The following ADGB variants were observed in gnomAD, a reference collection of about 807,000 sequenced individuals.
The protein encoded by ADGB is calpain-7-like protein.
Under a neutral mutation model 210.5 loss-of-function variants are expected in ADGB, and 172 were observed. The ratio of observed to expected loss-of-function variants is 0.82; its 90% confidence interval spans 0.72 to 0.93. The LOEUF (loss-of-function observed/expected upper bound fraction) is 0.93, where lower values mean the gene tolerates loss of function less well. ADGB is among the 40% of genes least tolerant of loss of function. The pLI, the probability that ADGB is intolerant of heterozygous loss-of-function variation, is 0.00. For missense variants in ADGB, 2,025 were observed against 1,964.8 expected (o/e 1.03, Z -0.58); for synonymous variants, 658 against 662.7 (o/e 0.99, Z 0.11).
Position 146,691,215 on chromosome 6 carries a change from C to T in ADGB, c.1411C>T (p.Pro471Ser). The T allele has an allele frequency of 6.5e-7, 1 of 1,548,758 alleles. No homozygotes were observed. Among genetic ancestry groups the T allele is most frequent in the African/African-American group, 1.4e-5 (1 of 72,268 alleles). ...RSRSCPLVAP[P>S]KPPPLPPWKL... Reference sequence around the variant, plus strand: ...TAGGTCTTGTCCTCTGGTAGCACCACCAAAACCACCTCCTCTACCTCCCTG... The same window carrying T: ...TAGGTCTTGTCCTCTGGTAGCACCATCAAAACCACCTCCTCTACCTCCCTG... Residue 471 changes from proline (P) to serine (S), a missense_variant, in exon 11 of 36, where the codon CCA becomes TCA. Pro to Ser is a moderately conservative substitution (Grantham distance 74). Coordinates refer to ENST00000397944, the MANE Select transcript of ADGB (RefSeq NM_024694.4).
At chr6:146,680,381 T>C (rs555052738) in intron 9 of ADGB, among the ~76,000 whole-genome samples, 2 of 152,302 alleles carry the variant, frequency 1.3e-5, no homozygotes, top group South Asian at 4.1e-4. Flanking sequence ...TTTTGTACTT[T>C]ATATGAACAA....
intron 1 of ADGB, among the ~76,000 whole-genome samples, chr6:146,620,662 T>C (rs1583562162): frequency 6.6e-6 from 1 of 152,148 alleles, no homozygotes. Flanking sequence ...TCTATTTCTT[T>C]GTCGTATTTC....
chr6:146,656,698 C>G (rs1446209697), intron 4 of ADGB, 73 bp from the exon 5 acceptor site: 4 of 1,020,538 alleles, frequency 3.9e-6, no homozygotes, highest in Non-Finnish European at 5.5e-6. Context: ...GATTTTTTTA[C>G]TGTTTTTATC....
chr6:146,705,521 T>C (rs1776557245), intron 13 of ADGB, among the ~76,000 whole-genome samples: 1 of 152,178 alleles, frequency 6.6e-6, no homozygotes, highest in African/African-American at 2.4e-5. Context: ...TGTTTTTCCA[T>C]CTATTCACAT....
intron 5 of ADGB, among the ~76,000 whole-genome samples, chr6:146,657,360 G>A (rs2114886204): frequency 6.6e-6 from 1 of 151,838 alleles, no homozygotes; most frequent in South Asian, 2.1e-4. Context: ...GAGAAGGAAG[G>A]AAGGAAGAAA....
chr6:146,685,810 C>G lies in ADGB; in HGVS notation c.1293C>G (p.Ile431Met), dbSNP rs1583589459. 1 of 1,534,832 alleles carries G rather than the reference C, an allele frequency of 6.5e-7. No individual in the cohort carries two copies. Among genetic ancestry groups the G allele is most frequent in the Non-Finnish European group, 8.8e-7 (1 of 1,138,446 alleles). ...FTPLYLFENKIFSLEKMADSA... is the reference protein window; with the variant it reads ...FTPLYLFENKMFSLEKMADSA... ...CTCTTTATTTGTTTGAAAACAAGAT[C>G]TTTTCATTAGAGAAGATGGTAAGCA... Residue 431 changes from isoleucine to methionine, a missense_variant, in exon 10 of 36, where the codon ATC (isoleucine) becomes ATG (methionine). Ile to Met is a conservative substitution (Grantham distance 10, BLOSUM62 1). Coordinates refer to ENST00000397944, the MANE Select transcript of ADGB (RefSeq NM_024694.4).
intron 1 of ADGB, among the ~76,000 whole-genome samples, chr6:146,611,600 G>A (rs932390107): frequency 6.6e-6 from 1 of 152,120 alleles, no homozygotes; most frequent in African/African-American, 2.4e-5. Context: ...GGCCAGAAAC[G>A]AGTCCTGGTG....
chr6:146,617,454 G>T (rs1415362072), intron 1 of ADGB, among the ~76,000 whole-genome samples: 1 of 151,988 alleles, frequency 6.6e-6, no homozygotes, highest in Non-Finnish European at 1.5e-5. Flanking sequence ...AATTGGTTTG[G>T]CTAGGACTTC....
intron 23 of ADGB, among the ~76,000 whole-genome samples, chr6:146,738,288 A>G (rs1305941119): frequency 6.6e-6 from 1 of 152,122 alleles, no homozygotes; most frequent in Non-Finnish European, 1.5e-5. Context: ...TGTCATTACT[A>G]CTACATGTGG....
intron 26 of ADGB, among the ~76,000 whole-genome samples, chr6:146,746,407 G>A (rs1271361383): frequency 6.6e-6 from 1 of 151,978 alleles, no homozygotes; most frequent in Non-Finnish European, 1.5e-5. Flanking sequence ...CTCCATCTCT[G>A]GCTAGTATTT....
chr6:146,677,960 C>T (rs1047325720), intron 9 of ADGB, among the ~76,000 whole-genome samples: 1 of 152,156 alleles, frequency 6.6e-6, no homozygotes, highest in African/African-American at 2.4e-5. Flanking sequence ...TTTGTTAATT[C>T]TTACATGTGC....
At chr6:146,776,572 C>T (rs1328609969) in intron 29 of ADGB, among the ~76,000 whole-genome samples, 6 of 152,082 alleles carry the variant, frequency 3.9e-5, no homozygotes, top group Non-Finnish European at 8.8e-5. Context: ...GTGTGCCTGA[C>T]ATTTTAGTAG....
At chr6:146,617,782 G>C (rs951565509) in intron 1 of ADGB, among the ~76,000 whole-genome samples, 1 of 152,024 alleles carries the variant, frequency 6.6e-6, no homozygotes, top group Admixed American at 6.6e-5. Flanking sequence ...GCATCCCTGG[G>C]CTGAATCCCA....
chr6:146,754,009 T>C (rs1367270120), intron 27 of ADGB, among the ~76,000 whole-genome samples: 3 of 151,482 alleles, frequency 2.0e-5, no homozygotes, highest in Non-Finnish European at 3.0e-5. Context: ...ATTATATTTG[T>C]CCTCAAAACT....
At chr6:146,749,163 T>C (rs988742919) in intron 26 of ADGB, among the ~76,000 whole-genome samples, 1 of 152,180 alleles carries the variant, frequency 6.6e-6, no homozygotes, top group Non-Finnish European at 1.5e-5. Flanking sequence ...TGGAAAATGT[T>C]TGGATGATGT....
chr6:146,805,715 T>C (rs1395027898), intron 35 of ADGB, among the ~76,000 whole-genome samples: 1 of 152,168 alleles, frequency 6.6e-6, no homozygotes, highest in African/African-American at 2.4e-5. Context: ...GTGTAGAATG[T>C]GAAACTTTCC....
chr6:146,614,372 T>A (rs78402950), intron 1 of ADGB, among the ~76,000 whole-genome samples: 17 of 152,214 alleles, frequency 1.1e-4, no homozygotes, highest in African/African-American at 4.1e-4. Context: ...AATAAACAGA[T>A]CTATCATTTT....
intron 27 of ADGB, among the ~76,000 whole-genome samples, chr6:146,763,059 C>T (rs1465740925): frequency 6.6e-6 from 1 of 152,150 alleles, no homozygotes; most frequent in Admixed American, 6.6e-5. Context: ...GCCCCACTCA[C>T]CCATCTTTGT....
chr6:146,759,645 T>C (rs1284368953), intron 27 of ADGB, among the ~76,000 whole-genome samples: 2 of 151,744 alleles, frequency 1.3e-5, no homozygotes, highest in African/African-American at 4.8e-5. Context: ...AATGTGTACA[T>C]GCATATATAT....
Sources: gnomAD v4.1 joint callset for allele counts (sites outside exome capture counted in the v4.1 genomes callset) on GRCh38, gnomAD v4.1.1 for gene constraint, MANE v1.5 for transcripts, NCBI Gene and HGNC (gene_info 2026-07-23, HGNC 2026-07-21) for gene names.